The following PTCHD4 variants were observed in gnomAD, a reference collection of about 807,000 sequenced individuals.
PTCHD4 encodes patched domain-containing protein 4.
In PTCHD4, 33 loss-of-function variants were observed where a neutral mutation model predicts 58.1. That is an observed-to-expected ratio of 0.57 (90% CI 0.43 to 0.76). PTCHD4 has a LOEUF of 0.76. Ranked by LOEUF, PTCHD4 falls within the 30% of genes least tolerant of loss-of-function variation. The probability of loss-of-function intolerance (pLI) is 0.00; values close to 1 mark genes in which losing one functional copy is unlikely to be tolerated. For missense variants in PTCHD4, 1,058 were observed against 1,027.1 expected, an observed-to-expected ratio of 1.03 and a Z score of -0.41; for synonymous variants, 478 against 409.6, an observed-to-expected ratio of 1.17 and a Z score of -2.02.
intron 3 of PTCHD4, among the ~76,000 whole-genome samples, chr6:48,045,483 C>T (rs1403515902): frequency 6.6e-6 from 1 of 151,782 alleles, no homozygotes; most frequent in Non-Finnish European, 1.5e-5. Context: ...AGATGCCTAG[C>T]ACTCCCCCTT....
chr6:47,994,426 G>A (rs905645739), intron 4 of PTCHD4, among the ~76,000 whole-genome samples: 2 of 152,154 alleles, frequency 1.3e-5, no homozygotes, highest in Non-Finnish European at 1.5e-5. Flanking sequence ...CACAAAAACA[G>A]CAAGTCTTGA....
intron 4 of PTCHD4, among the ~76,000 whole-genome samples, chr6:47,965,550 G>T (rs1052677375): frequency 6.6e-6 from 1 of 152,118 alleles, no homozygotes; most frequent in African/African-American, 2.4e-5. Flanking sequence ...TTTACTAGGG[G>T]CCTATTATCT....
Position 47,866,223 on chromosome 6 carries a change from T to G in PTCHD4, c.*12080A>C, listed in dbSNP as rs971377372. 2.6e-5 allele frequency among the ~76,000 whole-genome samples: 4 copies of G among 151,904 alleles called. No homozygotes were observed. Among genetic ancestry groups the G allele is most frequent in the African/African-American group, 9.7e-5 (4 of 41,406 alleles). On this transcript the variant is annotated 3_prime_UTR_variant, in exon 5 of 5. Transcript: ENST00000339488. ...ACTTAATAAAAGGCTCTATCAGTAT[T>G]TATTGGATTAAATGTGTTGACTTGG...
rs570371493 is a variant in PTCHD4, at chr6:47,920,147, T to C, written c.899-40211A>G. On this transcript the variant is annotated intron_variant, in intron 4 of 4. Transcript: ENST00000339488. Reference sequence around the variant, plus strand: ...TCAGCCTAAGCTGACTAACACAGACTGCTAGTGTGGTAACTGAACAAGAAA... The same window carrying C: ...TCAGCCTAAGCTGACTAACACAGACCGCTAGTGTGGTAACTGAACAAGAAA... 2.0e-5 allele frequency among the ~76,000 whole-genome samples: 3 copies of C among 152,284 alleles called. No homozygotes were observed. The South Asian group carries it at 6.2e-4, about 32-fold the overall frequency.
chr6:47,940,406 T>C (rs568624819), intron 4 of PTCHD4, among the ~76,000 whole-genome samples: 1 of 152,286 alleles, frequency 6.6e-6, no homozygotes, highest in African/African-American at 2.4e-5. Context: ...TGGATGACTT[T>C]CCTAAAAAAA....
At chr6:48,009,566 T>G (rs1266882758) in intron 3 of PTCHD4, among the ~76,000 whole-genome samples, 1 of 152,166 alleles carries the variant, frequency 6.6e-6, no homozygotes, top group Non-Finnish European at 1.5e-5. Context: ...CTTTCTAGGG[T>G]TCATTCATAT....
intron 4 of PTCHD4, among the ~76,000 whole-genome samples, chr6:47,920,664 C>T (rs535531476): frequency 1.1e-4 from 16 of 152,200 alleles, no homozygotes; most frequent in Non-Finnish European, 1.6e-4. Flanking sequence ...CTGCTTTGCT[C>T]CACAACACTT....
chr6:48,049,780 T>C (rs1764167095), intron 3 of PTCHD4, among the ~76,000 whole-genome samples: 1 of 151,978 alleles, frequency 6.6e-6, no homozygotes, highest in African/African-American at 2.4e-5. Flanking sequence ...CATACTGCTT[T>C]GGTAACACAC....
In PTCHD4 at chr6:48,037,680, A is replaced by G. The variant is rs573776041; in HGVS notation, c.418-28566T>C. 7.2e-5 allele frequency among the ~76,000 whole-genome samples: 11 copies of G among 152,300 alleles called. No individual in the cohort carries two copies. In the South Asian group the frequency reaches 2.1e-3, roughly 29 times the overall value. ...AAGATCAAAGATTTGAAAAGTCTCA[A>G]AAACATCACTCAGACTATGTAAACA... On this transcript the variant is annotated intron_variant, in intron 3 of 4. Transcript: ENST00000339488.
At chr6:48,033,798 T>A (rs998021274) in intron 3 of PTCHD4, among the ~76,000 whole-genome samples, 16 of 152,134 alleles carry the variant, frequency 1.1e-4, no homozygotes, top group African/African-American at 3.9e-4. Flanking sequence ...CTCTCAAACA[T>A]CTTTTCCATT....
intron 4 of PTCHD4, among the ~76,000 whole-genome samples, chr6:47,907,409 T>G (rs1379125656): frequency 1.3e-5 from 2 of 152,118 alleles, no homozygotes; most frequent in Non-Finnish European, 2.9e-5. Context: ...CTAAATATAA[T>G]TATAAAACCC....
intron 4 of PTCHD4, among the ~76,000 whole-genome samples, chr6:47,999,473 G>A (rs1202029733): frequency 1.3e-5 from 2 of 152,096 alleles, no homozygotes; most frequent in Admixed American, 1.3e-4. Context: ...TGTGTTTGAT[G>A]ATCCTGAGTA....
Position 47,976,911 on chromosome 6 carries a change from T to C in PTCHD4, c.898+31723A>G, listed in dbSNP as rs1483853488. Among the ~76,000 whole-genome samples the C allele has an allele frequency of 2.0e-5, 3 of 152,026 alleles. No individual in the cohort carries two copies. In the East Asian group the frequency reaches 5.8e-4, roughly 29 times the overall value. On this transcript the variant is annotated intron_variant, in intron 4 of 4. Coordinates refer to ENST00000339488, the MANE Select transcript of PTCHD4 (RefSeq NM_001384253.1). Reference sequence around the variant, plus strand: ...GTTATTAAGATGAAATTTTTAAGGATTGGTGAGGGTTTGAGGAAATAGACA... The same window carrying C: ...GTTATTAAGATGAAATTTTTAAGGACTGGTGAGGGTTTGAGGAAATAGACA...
At chr6:48,096,219 A>T (rs912874310) in intron 1 of PTCHD4, among the ~76,000 whole-genome samples, 15 of 152,160 alleles carry the variant, frequency 9.9e-5, no homozygotes, top group African/African-American at 3.6e-4. Context: ...AGAAAAAATC[A>T]TTCAGCAGAT....
intron 3 of PTCHD4, among the ~76,000 whole-genome samples, chr6:48,041,921 C>A (rs766333867): frequency 1.9e-4 from 29 of 151,876 alleles, no homozygotes; most frequent in Non-Finnish European, 3.4e-4. Flanking sequence ...GTTTGGATTG[C>A]TGGAAGAAAG....
chr6:47,888,576 A>G (rs1357604210), intron 4 of PTCHD4, among the ~76,000 whole-genome samples: 1 of 152,214 alleles, frequency 6.6e-6, no homozygotes, highest in Non-Finnish European at 1.5e-5. Flanking sequence ...GATAAAAGAC[A>G]TATAGTCTCA....
At chr6:48,094,528 A>C (rs1273816820) in intron 1 of PTCHD4, among the ~76,000 whole-genome samples, 1 of 152,240 alleles carries the variant, frequency 6.6e-6, no homozygotes, top group African/African-American at 2.4e-5. Context: ...TGAGAGCAGC[A>C]CTGACAGAAC....
At chr6:48,049,193 G>A (rs1418403641) in intron 3 of PTCHD4, among the ~76,000 whole-genome samples, 1 of 151,832 alleles carries the variant, frequency 6.6e-6, no homozygotes, top group African/African-American at 2.4e-5. Flanking sequence ...GGGGGAGGAG[G>A]AGGATGCTAC....
At chr6:47,900,703 G>A (rs1048136009) in intron 4 of PTCHD4, 1 of 152,142 alleles carries the variant, frequency 6.6e-6, no homozygotes, top group Admixed American at 6.5e-5. Context: ...TTACTAGTTT[G>A]TTGAGAGTTA....
Sources: allele counts gnomAD v4.1 joint callset (sites outside exome capture counted in the v4.1 genomes callset), GRCh38; gene constraint gnomAD v4.1.1; transcripts MANE v1.5; gene names NCBI Gene and HGNC (gene_info 2026-07-23, HGNC 2026-07-21).